The following SLC5A4 variants were observed in gnomAD, a reference collection of about 807,000 sequenced individuals.
The protein encoded by SLC5A4 is probable glucose sensor protein SLC5A4.
SLC5A4 carries 55 observed loss-of-function variants against 70.3 expected under a neutral mutation model. That is an observed-to-expected ratio of 0.78 (90% CI 0.63 to 0.98). SLC5A4 has a LOEUF of 0.98. Among genes scored for constraint, SLC5A4 ranks in the 50% least tolerant of loss-of-function variants. The probability of loss-of-function intolerance (pLI) is 0.00; values close to 1 mark genes in which losing one functional copy is unlikely to be tolerated. For synonymous variants in SLC5A4, 268 were observed against 305.7 expected (o/e 0.88, Z 1.29); for missense variants, 735 against 839.2 (o/e 0.88, Z 1.53).
the SLC5A4 span, among the ~76,000 whole-genome samples, chr22:32,283,645 AT>A: frequency 6.6e-6 from 1 of 152,216 alleles, no homozygotes; most frequent in African/African-American, 2.4e-5. Context: ...TTTGTAATAA[AT>A]GTAAGTCACC....
the SLC5A4 span, among the ~76,000 whole-genome samples, chr22:32,286,783 T>G: frequency 6.6e-6 from 1 of 152,190 alleles, no homozygotes; most frequent in Non-Finnish European, 1.5e-5. Flanking sequence ...CAACAAAGCC[T>G]TACAAGAAAT....
the SLC5A4 span, among the ~76,000 whole-genome samples, chr22:32,304,672 T>A: frequency 1.3e-5 from 2 of 152,240 alleles, no homozygotes; most frequent in African/African-American, 4.8e-5. Flanking sequence ...TTTCTCCCGT[T>A]CTTTGGCTTG....
upstream of SLC5A4, among the ~76,000 whole-genome samples, chr22:32,258,464 G>T (rs1927596672): frequency 6.6e-6 from 1 of 151,994 alleles, no homozygotes; most frequent in Non-Finnish European, 1.5e-5. Context: ...CAAACCAATA[G>T]CCAAGAGGTA....
At chr22:32,281,782 T>TAC in the SLC5A4 span, among the ~76,000 whole-genome samples, 1 of 151,162 alleles carries the variant, frequency 6.6e-6, no homozygotes, top group Non-Finnish European at 1.5e-5. Context: ...AGAGCCACTG[T>TAC]ACCCTGATTG....
the SLC5A4 span, among the ~76,000 whole-genome samples, chr22:32,351,756 G>T: frequency 1.5e-4 from 11 of 71,228 alleles, no homozygotes; most frequent in Non-Finnish European, 2.7e-4. Context: ...GGCGGGGGGG[G>T]GGTGGGCGGG....
At position 32,235,107 on chromosome 22, in the gene SLC5A4, A is replaced by C; in HGVS notation, c.665-14T>G. 1 of 1,580,994 alleles carries C rather than the reference A, an allele frequency of 6.3e-7. No individual in the cohort carries two copies. Among genetic ancestry groups the C allele is most frequent in the South Asian group, 1.1e-5 (1 of 90,218 alleles). The stretch of plus-strand genomic sequence containing the variant: ...CTTCGTTAAATGCTAAAAAGGCATC[A>C]GAGTAAAATGAGATGTCTTACTGAA... On this transcript the variant is annotated splice_polypyrimidine_tract_variant and intron_variant, in intron 7 of 14. Coordinates refer to ENST00000266086, the MANE Select transcript of SLC5A4 (RefSeq NM_014227.3).
At chr22:32,330,655 G>C in the SLC5A4 span, among the ~76,000 whole-genome samples, 1 of 100,946 alleles carries the variant, frequency 9.9e-6, no homozygotes, top group Non-Finnish European at 1.9e-5. Flanking sequence ...CTGTATTGGG[G>C]CTCTGGTGTG....
the SLC5A4 span, among the ~76,000 whole-genome samples, chr22:32,354,253 C>T: frequency 6.8e-6 from 1 of 146,210 alleles, no homozygotes; most frequent in South Asian, 2.2e-4. Context: ...CCTGCTATCT[C>T]TGTCTCAGTG....
chr22:32,251,521 C>T (rs1258154847), intron 3 of SLC5A4, among the ~76,000 whole-genome samples: 1 of 151,940 alleles, frequency 6.6e-6, no homozygotes, highest in African/African-American at 2.4e-5. Flanking sequence ...CTCTCTCTCT[C>T]TCTCTCTCTC....
the SLC5A4 span, among the ~76,000 whole-genome samples, chr22:32,328,507 T>C: frequency 6.6e-6 from 1 of 152,220 alleles, no homozygotes; most frequent in South Asian, 2.1e-4. Context: ...TGAGCTACCC[T>C]GCGGAGAGGC....
chr22:32,339,420 C>T, the SLC5A4 span, among the ~76,000 whole-genome samples: 3 of 152,190 alleles, frequency 2.0e-5, no homozygotes, highest in African/African-American at 7.2e-5. Flanking sequence ...CAGTTGCCCA[C>T]TGGCCCGTAG....
rs1261563907 is a variant in SLC5A4 at position 32,224,632 on chromosome 22, G to A, written c.1450-150C>T. Reference sequence around the variant, plus strand: ...CAAGGTTACCGACATAGAGAAAATTGCAAATACATGTGCTTCTTAGTTGGA... The same window carrying A: ...CAAGGTTACCGACATAGAGAAAATTACAAATACATGTGCTTCTTAGTTGGA... On this transcript the variant is annotated intron_variant, in intron 12 of 14. Transcript: ENST00000266086. 1.3e-5 allele frequency: 8 copies of A among 638,112 alleles called. No homozygotes were observed. In the African/African-American group the frequency reaches 1.3e-4, roughly 10 times the overall value. The allele number at this position is 638,112 out of a possible 1,614,324, so 39.5% of individuals were successfully genotyped here. A position where few individuals can be genotyped will look rare whatever the true frequency, so the allele number is the denominator to read the frequency against.
the SLC5A4 span, chr22:32,271,256 T>C: frequency 0.064 from 50,786 of 788,288 alleles, 2,411 homozygotes; most frequent in Non-Finnish European, 0.082. Context: ...CGGGTCCTCA[T>C]GGACAGCTCC....
the SLC5A4 span, chr22:32,271,220 T>C: frequency 2.5e-6 from 2 of 785,026 alleles, no homozygotes; most frequent in Non-Finnish European, 4.4e-6. Context: ...CTGGTGTTCT[T>C]GGTGAAGAAC....
the SLC5A4 span, among the ~76,000 whole-genome samples, chr22:32,321,759 G>T: frequency 6.6e-6 from 1 of 152,120 alleles, no homozygotes; most frequent in African/African-American, 2.4e-5. Context: ...AAGAATAATG[G>T]CTTCCAGCTC....
At chr22:32,281,168 C>CATG in the SLC5A4 span, among the ~76,000 whole-genome samples, 2 of 152,220 alleles carry the variant, frequency 1.3e-5, no homozygotes, top group African/African-American at 4.8e-5. Flanking sequence ...ACTCCTCATT[C>CATG]ATGTCACGTC....
chr22:32,218,871 T>C, intron 14 of SLC5A4, 146 bp from the exon 15 acceptor site: 1 of 616,690 alleles, frequency 1.6e-6, no homozygotes, highest in Non-Finnish European at 2.7e-6. Flanking sequence ...TGTAGATAAA[T>C]TTAATCATAT....
At chr22:32,255,160 G>C in intron 1 of SLC5A4, 35 bp downstream of exon 1, 3 of 1,595,282 alleles carry the variant, frequency 1.9e-6, no homozygotes, top group Non-Finnish European at 2.6e-6. Context: ...CCTAAACCTT[G>C]TGCCCACCCT....
rs781692087 is a variant in SLC5A4, at chr22:32,254,185, A to G, written c.164T>C (p.Ile55Thr). 2.5e-6 allele frequency: 4 copies of G among 1,613,994 alleles called. No individual in the cohort carries two copies. In the South Asian group the frequency reaches 3.3e-5, roughly 13 times the overall value. ...WAMLKTNRGT[I>T]GGFFLAGRDM... is the part of the protein sequence containing the mutation. ...ACGACCAGCGAGGAAGAAGCCTCCT[A>G]TAGTACCTCGGTTGGTCTTCAGCAT... Residue 55 changes from isoleucine (I) to threonine (T), a missense_variant, in exon 2 of 15, where the codon ATA becomes ACA. Physicochemically the swap from Ile to Thr is moderately conservative, Grantham distance 89 (BLOSUM62 -1). Coordinates refer to ENST00000266086, the MANE Select transcript of SLC5A4 (RefSeq NM_014227.3).
Sources: gnomAD v4.1 joint callset for allele counts (sites outside exome capture counted in the v4.1 genomes callset) on GRCh38, gnomAD v4.1.1 for gene constraint, MANE v1.5 for transcripts, NCBI Gene and HGNC (gene_info 2026-07-23, HGNC 2026-07-21) for gene names.